DOCK2: variants seen among roughly 807,000 people sequenced by gnomAD.
The protein encoded by DOCK2 is dedicator of cytokinesis protein 2.
Under a neutral mutation model 248.9 loss-of-function variants are expected in DOCK2, and 87 were observed. That is an observed-to-expected ratio of 0.35 (90% CI 0.29 to 0.42). DOCK2 has a LOEUF of 0.42. Among genes scored for constraint, DOCK2 ranks in the 10% least tolerant of loss-of-function variants. DOCK2 has a pLI of 1.00. For synonymous variants in DOCK2, 805 were observed against 821.6 expected (o/e 0.98, Z 0.35); for missense variants, 1,747 against 2,300.2 (o/e 0.76, Z 4.92).
chr5:170,031,125 T>C (rs1036577391), intron 34 of DOCK2, among the ~76,000 whole-genome samples: 1 of 152,258 alleles, frequency 6.6e-6, no homozygotes, highest in African/African-American at 2.4e-5. Context: ...AATGGATTCA[T>C]AAGACACACC....
chr5:170,057,697 C>A, intron 44 of DOCK2, 31 bp downstream of exon 44: 1 of 1,567,850 alleles, frequency 6.4e-7, no homozygotes, highest in Non-Finnish European at 8.7e-7. Context: ...GCAGGGCCAC[C>A]CTTCCTCCGA....
At chr5:169,691,371 A>G (rs912731999) in intron 9 of DOCK2, among the ~76,000 whole-genome samples, 1 of 152,134 alleles carries the variant, frequency 6.6e-6, no homozygotes, top group Non-Finnish European at 1.5e-5. Flanking sequence ...AGACCATATC[A>G]GGGGGCAAGG....
chr5:170,038,668 C>G (rs1756404009), intron 36 of DOCK2, among the ~76,000 whole-genome samples: 2 of 152,158 alleles, frequency 1.3e-5, no homozygotes, highest in South Asian at 4.1e-4. Flanking sequence ...CCACCTCGCT[C>G]AAGCACCTGC....
intron 26 of DOCK2, among the ~76,000 whole-genome samples, chr5:169,835,129 GC>G (rs1769480471): frequency 6.6e-6 from 1 of 152,020 alleles, no homozygotes; most frequent in African/African-American, 2.4e-5. Context: ...AATGGCATTT[GC>G]ATATTCAAAA....
chr5:169,700,246 T>G, intron 13 of DOCK2, 107 bp downstream of exon 13: 2 of 1,457,976 alleles, frequency 1.4e-6, no homozygotes, highest in Non-Finnish European at 1.8e-6. Context: ...TTACTGCCTC[T>G]CTCCATTTCT....
chr5:169,760,510 C>T (rs2113736240), intron 24 of DOCK2, among the ~76,000 whole-genome samples: 1 of 152,212 alleles, frequency 6.6e-6, no homozygotes, highest in East Asian at 1.9e-4. Context: ...CAGATGTTAC[C>T]AGTTTTTTCA....
intron 32 of DOCK2, among the ~76,000 whole-genome samples, chr5:170,018,552 T>C (rs565757545): frequency 6.6e-6 from 1 of 152,342 alleles, no homozygotes; most frequent in South Asian, 2.1e-4. Flanking sequence ...CATAAAACAG[T>C]TGGTAAAATC....
At chr5:170,053,339 C>G (rs1041914101) in intron 41 of DOCK2, among the ~76,000 whole-genome samples, 1 of 152,256 alleles carries the variant, frequency 6.6e-6, no homozygotes. Context: ...CCCATGCAGT[C>G]TCTGTCACAA....
intron 32 of DOCK2, among the ~76,000 whole-genome samples, chr5:170,018,181 AG>A (rs995093042): frequency 1.3e-5 from 2 of 152,108 alleles, no homozygotes; most frequent in African/African-American, 2.4e-5. Context: ...AGGTGTAGAG[AG>A]GGGGCTTTTC....
Position 170,009,931 on chromosome 5 carries a change from C to T in DOCK2, c.3232+1185C>T, listed in dbSNP as rs180726144. Among the ~76,000 whole-genome samples, 12 of 152,276 alleles carry T rather than the reference C, an allele frequency of 7.9e-5. No homozygotes were observed. The East Asian group carries it at 2.3e-3, about 29-fold the overall frequency. On this transcript the variant is annotated intron_variant, in intron 32 of 51. Coordinates refer to ENST00000520908, the MANE Select transcript of DOCK2 (RefSeq NM_004946.3). ...CCCAAGGCAGAGCCAAGGACCCAAG[C>T]CCAGAACAGACTGCCACTTCTTTGC...
chr5:169,762,880 C>A (rs1764569488), intron 25 of DOCK2, among the ~76,000 whole-genome samples: 1 of 152,334 alleles, frequency 6.6e-6, no homozygotes, highest in South Asian at 2.1e-4. Flanking sequence ...AATATTTATG[C>A]AAATTGCCTG....
chr5:169,708,452 C>T (rs1294302124), intron 15 of DOCK2, among the ~76,000 whole-genome samples, 185 bp downstream of exon 15: 1 of 152,294 alleles, frequency 6.6e-6, no homozygotes, highest in East Asian at 1.9e-4. Context: ...TGACCACGAC[C>T]ACGCTGCTAG....
intron 32 of DOCK2, among the ~76,000 whole-genome samples, chr5:170,011,815 C>G (rs893798936): frequency 6.6e-6 from 1 of 152,214 alleles, no homozygotes; most frequent in African/African-American, 2.4e-5. Flanking sequence ...CAGCCCTCCC[C>G]TCTCTTTCTT....
chr5:169,672,048 C>T (rs1311989190), intron 5 of DOCK2, among the ~76,000 whole-genome samples: 2 of 151,716 alleles, frequency 1.3e-5, no homozygotes, highest in Non-Finnish European at 2.9e-5. Flanking sequence ...GCTCTGTTGC[C>T]CAGGCTGGAG....
intron 15 of DOCK2, among the ~76,000 whole-genome samples, chr5:169,711,625 C>T (rs1355864717): frequency 6.6e-6 from 1 of 152,164 alleles, no homozygotes. Context: ...TGCATCAAAT[C>T]CTGTGCTAAA....
At chr5:169,667,670 G>T (rs993160850) in intron 2 of DOCK2, among the ~76,000 whole-genome samples, 1 of 152,136 alleles carries the variant, frequency 6.6e-6, no homozygotes, top group Admixed American at 6.5e-5. Flanking sequence ...TAATCTCTGT[G>T]CCTGTCTATT....
chr5:169,690,380 A>G (rs1394105658), intron 9 of DOCK2, among the ~76,000 whole-genome samples: 2 of 152,188 alleles, frequency 1.3e-5, no homozygotes, highest in Non-Finnish European at 2.9e-5. Context: ...TCCAGGAGTG[A>G]CCGACATGCT....
chr5:169,872,696 C>T (rs1399324618), intron 27 of DOCK2, among the ~76,000 whole-genome samples: 1 of 152,082 alleles, frequency 6.6e-6, no homozygotes, highest in East Asian at 1.9e-4. Context: ...TAGATCATCT[C>T]CGAGAAAGTT....
chr5:169,837,411 A>G (rs1769653885), intron 26 of DOCK2, among the ~76,000 whole-genome samples: 1 of 152,150 alleles, frequency 6.6e-6, no homozygotes. Context: ...TTCCATTTGC[A>G]TATATGCTAT....
Sources: gnomAD v4.1 joint callset for allele counts (sites outside exome capture counted in the v4.1 genomes callset) on GRCh38, gnomAD v4.1.1 for gene constraint, MANE v1.5 for transcripts, NCBI Gene and HGNC (gene_info 2026-07-23, HGNC 2026-07-21) for gene names.